The following FRMD4A variants were observed in gnomAD, a reference collection of about 807,000 sequenced individuals.
FRMD4A encodes the protein FERM domain containing 4A, also known as FERM domain-containing protein 4A.
Under a neutral mutation model 129.1 loss-of-function variants are expected in FRMD4A, and 29 were observed. That is an observed-to-expected ratio of 0.22 (90% CI 0.17 to 0.31). FRMD4A has a LOEUF of 0.31. Ranked by LOEUF, FRMD4A falls within the 10% of genes least tolerant of loss-of-function variation. The probability of loss-of-function intolerance (pLI) is 1.00; values close to 1 mark genes in which losing one functional copy is unlikely to be tolerated. For synonymous variants in FRMD4A, 634 were observed against 571.6 expected, an observed-to-expected ratio of 1.11 and a Z score of -1.56; for missense variants, 1,272 against 1,375.8, an observed-to-expected ratio of 0.92 and a Z score of 1.19.
At chr10:13,750,109 G>A (rs7088070) in intron 8 of FRMD4A, among the ~76,000 whole-genome samples, 31,396 of 71,442 alleles carry the variant, frequency 0.44, 7,728 homozygotes, top group Non-Finnish European at 0.52. Context: ...AGAAAGAAAT[G>A]AAGAAAGAAA....
chr10:14,102,340 A>G (rs1837350755), intron 2 of FRMD4A, among the ~76,000 whole-genome samples: 1 of 152,246 alleles, frequency 6.6e-6, no homozygotes. Flanking sequence ...CAGCCTGGCC[A>G]CCATAGTGAA....
intron 2 of FRMD4A, among the ~76,000 whole-genome samples, chr10:13,955,235 G>A (rs1322729784): frequency 6.6e-6 from 1 of 151,196 alleles, no homozygotes; most frequent in Non-Finnish European, 1.5e-5. Flanking sequence ...AGCCTCCAGA[G>A]TAGCTGGGAC....
At chr10:13,879,991 G>T (rs1564962150) in intron 2 of FRMD4A, among the ~76,000 whole-genome samples, 1 of 151,972 alleles carries the variant, frequency 6.6e-6, no homozygotes, top group African/African-American at 2.4e-5. Context: ...TGGTGCTTAT[G>T]CATTTTCCCA....
chr10:13,964,001 T>C (rs529864515), intron 2 of FRMD4A, among the ~76,000 whole-genome samples: 124 of 143,654 alleles, frequency 8.6e-4, no homozygotes, highest in Non-Finnish European at 1.6e-3. Context: ...TATAAAACCA[T>C]GAAACATTCA....
At chr10:13,742,177 C>A (rs2091044787) in intron 9 of FRMD4A, among the ~76,000 whole-genome samples, 1 of 152,144 alleles carries the variant, frequency 6.6e-6, no homozygotes, top group African/African-American at 2.4e-5. Flanking sequence ...TCTAATATAA[C>A]AAGAGGTTAG....
chr10:13,697,545 T>G (rs2086348236), intron 14 of FRMD4A, among the ~76,000 whole-genome samples: 1 of 152,102 alleles, frequency 6.6e-6, no homozygotes, highest in South Asian at 2.1e-4. Context: ...AGTCTCTCTT[T>G]GCAAAGTCAG....
intron 2 of FRMD4A, among the ~76,000 whole-genome samples, chr10:14,230,995 T>A (rs765831616): frequency 6.6e-6 from 1 of 152,232 alleles, no homozygotes; most frequent in African/African-American, 2.4e-5. Context: ...TAGTATTCCA[T>A]GGTGTATATG....
intron 2 of FRMD4A, among the ~76,000 whole-genome samples, chr10:14,220,798 GTGTGTGTGTGTGTT>G (rs1039044219): frequency 4.0e-5 from 2 of 49,444 alleles, no homozygotes; most frequent in African/African-American, 9.3e-5. Flanking sequence ...GTGTGTGTGT[GTGTGTGTGTGTGTT>G]TGTGTGTGTG....
At chr10:13,657,574 G>C in intron 21 of FRMD4A, 52 bp from the exon 22 acceptor site, 4 of 1,477,216 alleles carry the variant, frequency 2.7e-6, no homozygotes, top group Non-Finnish European at 3.6e-6. Flanking sequence ...GGCCCAAGGA[G>C]GGGTGCTCCG....
At chr10:13,877,025 T>A (rs1376017415) in intron 2 of FRMD4A, among the ~76,000 whole-genome samples, 1 of 152,154 alleles carries the variant, frequency 6.6e-6, no homozygotes, top group Non-Finnish European at 1.5e-5. Context: ...GGATCTGCCC[T>A]CAGTGATGGG....
intron 2 of FRMD4A, among the ~76,000 whole-genome samples, chr10:14,191,948 G>C (rs1386367683): frequency 6.6e-6 from 1 of 151,892 alleles, no homozygotes; most frequent in African/African-American, 2.4e-5. Flanking sequence ...CTCACTCACT[G>C]TCTCCACTTC....
At chr10:13,805,706 T>G (rs2093346647) in intron 4 of FRMD4A, among the ~76,000 whole-genome samples, 1 of 152,118 alleles carries the variant, frequency 6.6e-6, no homozygotes, top group African/African-American at 2.4e-5. Flanking sequence ...GTTTTGTTGT[T>G]GAGACGAGGT....
chr10:14,140,289 C>T (rs1174807036), intron 2 of FRMD4A, among the ~76,000 whole-genome samples: 2 of 152,184 alleles, frequency 1.3e-5, no homozygotes, highest in Non-Finnish European at 2.9e-5. Context: ...TCTTGAACTC[C>T]TGACCTCAAG....
chr10:14,088,324 G>T (rs1336615028), intron 2 of FRMD4A, among the ~76,000 whole-genome samples: 1 of 151,866 alleles, frequency 6.6e-6, no homozygotes, highest in African/African-American at 2.4e-5. Flanking sequence ...GTGTGCATCA[G>T]TGGTCCTAAC....
At chr10:14,100,192 A>G (rs557796863) in intron 2 of FRMD4A, among the ~76,000 whole-genome samples, 13 of 152,324 alleles carry the variant, frequency 8.5e-5, no homozygotes, top group South Asian at 6.2e-4. Context: ...ACCTGAACTT[A>G]TGAATTTAAA....
intron 2 of FRMD4A, among the ~76,000 whole-genome samples, chr10:14,046,904 T>A (rs547224404): frequency 1.3e-5 from 2 of 152,172 alleles, no homozygotes; most frequent in Admixed American, 1.3e-4. Context: ...GAGTCGCTGG[T>A]CCCTCCTAGG....
intron 15 of FRMD4A, among the ~76,000 whole-genome samples, chr10:13,682,419 G>C (rs936301185): frequency 2.0e-5 from 3 of 151,458 alleles, no homozygotes; most frequent in Non-Finnish European, 4.4e-5. Context: ...AGTTTTTAGA[G>C]AACTCCTAAA....
intron 13 of FRMD4A, among the ~76,000 whole-genome samples, chr10:13,701,762 T>C (rs188056393): frequency 2.6e-5 from 4 of 152,310 alleles, no homozygotes; most frequent in East Asian, 3.9e-4. Context: ...TCTAGGTCAA[T>C]GGATGGTCCT....
chr10:13,963,365 G>T (rs1341621034), intron 2 of FRMD4A, among the ~76,000 whole-genome samples: 2 of 150,046 alleles, frequency 1.3e-5, no homozygotes, highest in African/African-American at 4.9e-5. Flanking sequence ...AATATGCAGG[G>T]CATCGCTCTT....
Sources: gnomAD v4.1 joint callset for allele counts (sites outside exome capture counted in the v4.1 genomes callset) on GRCh38, gnomAD v4.1.1 for gene constraint, MANE v1.5 for transcripts, NCBI Gene and HGNC (gene_info 2026-07-23, HGNC 2026-07-21) for gene names.